ITGA9: variants seen among roughly 807,000 people sequenced by gnomAD.
ITGA9 encodes integrin alpha-9.
ITGA9 carries 56 observed loss-of-function variants against 127.8 expected under a neutral mutation model. The observed-to-expected ratio is 0.44, with a 90% confidence interval of 0.35 to 0.55. The LOEUF is 0.55. Among genes scored for constraint, ITGA9 ranks in the 20% least tolerant of loss-of-function variants. ITGA9 has a pLI of 0.00. For missense variants in ITGA9, 1,196 were observed against 1,347.1 expected, an observed-to-expected ratio of 0.89 and a Z score of 1.76; for synonymous variants, 508 against 514.5, an observed-to-expected ratio of 0.99 and a Z score of 0.17.
intron 16 of ITGA9, among the ~76,000 whole-genome samples, chr3:37,635,748 T>G (rs1700271270): frequency 6.6e-6 from 1 of 151,432 alleles, no homozygotes; most frequent in East Asian, 1.9e-4. Context: ...TCATTTAGCA[T>G]TAGGTATATC....
rs138199361 is a variant in ITGA9 at position 37,772,030 on chromosome 3, C to A, written c.2542-5362C>A. Among the ~76,000 whole-genome samples, 205 of 152,262 alleles carry A rather than the reference C, an allele frequency of 1.3e-3. No individual in the cohort carries two copies. In the Middle Eastern group the frequency reaches 0.027, roughly 20 times the overall value. On this transcript the variant is annotated intron_variant, in intron 23 of 27. Transcript: ENST00000264741. Reference sequence around the variant, plus strand: ...GCAGCTGTGTGACGTGTGTCCCAGCCCAGTTCTGTGGCCTGCTACCTGGGG... The same window carrying A: ...GCAGCTGTGTGACGTGTGTCCCAGCACAGTTCTGTGGCCTGCTACCTGGGG...
chr3:37,742,370 C>T (rs1696448195), intron 21 of ITGA9, among the ~76,000 whole-genome samples: 1 of 152,168 alleles, frequency 6.6e-6, no homozygotes, highest in Admixed American at 6.5e-5. Context: ...AGGGAACCAT[C>T]CCATCGGCCA....
chr3:37,785,885 A>G (rs3845949), intron 26 of ITGA9, among the ~76,000 whole-genome samples: 51,298 of 152,104 alleles, frequency 0.34, 9,232 homozygotes, highest in East Asian at 0.46. Flanking sequence ...TGCAGTTGGC[A>G]CCAAGGCCTC....
intron 14 of ITGA9, among the ~76,000 whole-genome samples, chr3:37,535,057 C>T (rs1170415898): frequency 2.0e-5 from 3 of 152,222 alleles, no homozygotes; most frequent in Admixed American, 6.5e-5. Flanking sequence ...TTTTGATACA[C>T]ATAAGAATGA....
At chr3:37,669,832 G>A (rs1700620773) in intron 17 of ITGA9, among the ~76,000 whole-genome samples, 1 of 152,148 alleles carries the variant, frequency 6.6e-6, no homozygotes, top group Admixed American at 6.5e-5. Context: ...TTTTAAAGAG[G>A]ACTTTCCAGA....
chr3:37,718,388 G>C (rs1483573140), intron 18 of ITGA9, among the ~76,000 whole-genome samples: 1 of 152,158 alleles, frequency 6.6e-6, no homozygotes, highest in Non-Finnish European at 1.5e-5. Flanking sequence ...TGACATAGGA[G>C]GCTCCAGACA....
Position 37,533,342 on chromosome 3 carries a change from T to C in ITGA9, c.1402T>C (p.Ser468Pro), listed in dbSNP as rs1303383700. 1 of 1,614,216 alleles carries C rather than the reference T, an allele frequency of 6.2e-7. No homozygotes were observed. Among genetic ancestry groups the C allele is most frequent in the South Asian group, 1.1e-5 (1 of 91,076 alleles). Residue 468 changes from serine to proline, a missense_variant, in exon 14 of 28, where the codon TCC (serine) becomes CCC (proline). Physicochemically the swap from Ser to Pro is moderately conservative, Grantham distance 74. Coordinates refer to ENST00000264741, the MANE Select transcript of ITGA9 (RefSeq NM_002207.3). The part of the protein sequence containing the change: ...RARPVITVDV[S>P]IFLPGSINIT... ...AAGGCCTGTCATTACGGTGGATGTC[T>C]CCATCTTCCTCCCGGGCTCCATCAA...
chr3:37,806,715 G>A lies in ITGA9; in HGVS notation c.3009+2773G>A, dbSNP rs989956869. 3 of 152,166 alleles carry A rather than the reference G, an allele frequency of 2.0e-5. No homozygotes were observed. The highest frequency in any genetic ancestry group is 2.9e-5 in the Non-Finnish European group (2 of 68,044). The allele number at this position is 152,166 out of a possible 1,614,324, so 9.4% of individuals were successfully genotyped here. A position where few individuals can be genotyped will look rare whatever the true frequency, so the allele number is the denominator to read the frequency against. The stretch of plus-strand genomic sequence containing the variant: ...AGACTGGGAGGGAGAGGGCAGTCAC[G>A]GCCGCCAGGGACACACCGTGTGCCC... On this transcript the variant is annotated intron_variant, in intron 27 of 27. Transcript: ENST00000264741. This position sits in a 1 kb window ranked among gnomAD's most constrained non-coding sequence, Gnocchi z 4.3.
At chr3:37,794,041 C>T (rs1697144094) in intron 26 of ITGA9, among the ~76,000 whole-genome samples, 1 of 152,202 alleles carries the variant, frequency 6.6e-6, no homozygotes, top group Non-Finnish European at 1.5e-5. Context: ...GGGTGCTGTG[C>T]TCAGTGTGCG....
At chr3:37,635,123 T>C (rs1441723436) in intron 16 of ITGA9, among the ~76,000 whole-genome samples, 2 of 152,226 alleles carry the variant, frequency 1.3e-5, no homozygotes, top group African/African-American at 4.8e-5. Context: ...TAAAGAAGAA[T>C]GTTGATCCTA....
intron 15 of ITGA9, among the ~76,000 whole-genome samples, chr3:37,607,029 C>T (rs1189517896): frequency 1.4e-5 from 2 of 142,248 alleles, no homozygotes; most frequent in Non-Finnish European, 3.0e-5. Flanking sequence ...CCCAGGCAGG[C>T]AGGGGTGCAA....
intron 18 of ITGA9, among the ~76,000 whole-genome samples, chr3:37,693,262 G>A (rs1700850532): frequency 6.6e-6 from 1 of 152,112 alleles, no homozygotes; most frequent in African/African-American, 2.4e-5. Context: ...TCCATGGGAG[G>A]GTATTGTGGG....
At chr3:37,566,433 C>G (rs371670287) in intron 15 of ITGA9, among the ~76,000 whole-genome samples, 1 of 152,224 alleles carries the variant, frequency 6.6e-6, no homozygotes, top group East Asian at 1.9e-4. Flanking sequence ...TTCAGGTACC[C>G]TTTACCCGGC....
chr3:37,561,721 G>GT (rs1699491761), intron 15 of ITGA9, among the ~76,000 whole-genome samples: 2 of 152,290 alleles, frequency 1.3e-5, no homozygotes, highest in Non-Finnish European at 2.9e-5. Context: ...TTTTAGTACA[G>GT]TTTTTCTGGT....
chr3:37,523,726 A>G, intron 12 of ITGA9, 115 bp downstream of exon 12: 1 of 787,576 alleles, frequency 1.3e-6, no homozygotes, highest in Non-Finnish European at 2.3e-6. Context: ...GACAATTCAC[A>G]CAATAGAATA....
At chr3:37,529,822 A>G (rs1290416880) in intron 13 of ITGA9, among the ~76,000 whole-genome samples, 1 of 152,102 alleles carries the variant, frequency 6.6e-6, no homozygotes, top group East Asian at 1.9e-4. Flanking sequence ...GGTGAGAGTG[A>G]TGGAATCTGG....
At chr3:37,675,017 TCTC>T (rs1700668284) in intron 17 of ITGA9, among the ~76,000 whole-genome samples, 1 of 152,180 alleles carries the variant, frequency 6.6e-6, no homozygotes, top group African/African-American at 2.4e-5. Context: ...ACTGGACCAT[TCTC>T]CTATTCAGAA....
intron 17 of ITGA9, among the ~76,000 whole-genome samples, chr3:37,682,321 G>A (rs896751039): frequency 4.6e-5 from 7 of 152,198 alleles, no homozygotes; most frequent in Non-Finnish European, 1.0e-4. Context: ...ACCTCCAGAA[G>A]GCTGATTCCA....
intron 9 of ITGA9, 38 bp downstream of exon 9, chr3:37,513,938 G>A (rs1264579938): frequency 3.1e-6 from 5 of 1,611,600 alleles, no homozygotes; most frequent in African/African-American, 1.3e-5. Context: ...ATGGGTGTGG[G>A]GGAGGGACAT....
Sources: allele counts gnomAD v4.1 joint callset (sites outside exome capture counted in the v4.1 genomes callset), GRCh38; gene constraint gnomAD v4.1.1; non-coding constraint Gnocchi (gnomAD v3.1); transcripts MANE v1.5; gene names NCBI Gene and HGNC (gene_info 2026-07-23, HGNC 2026-07-21).